Variants in ARMC9 observed in about 807,000 individuals in gnomAD.
The protein encoded by ARMC9 is lisH domain-containing protein ARMC9.
In ARMC9, 94 loss-of-function variants were observed where a neutral mutation model predicts 107.0. The ratio of observed to expected loss-of-function variants is 0.88; its 90% confidence interval spans 0.74 to 1.04. The LOEUF (loss-of-function observed/expected upper bound fraction) is 1.04, where lower values mean the gene tolerates loss of function less well. ARMC9 is among the 50% of genes least tolerant of loss of function. The pLI is 0.00. For synonymous variants in ARMC9, 380 were observed against 396.9 expected, an observed-to-expected ratio of 0.96 and a Z score of 0.51; for missense variants, 942 against 1,030.1, an observed-to-expected ratio of 0.91 and a Z score of 1.17.
At chr2:231,291,270 G>T (rs1281859879) in intron 17 of ARMC9, 83 bp from the exon 18 acceptor site, 12 of 1,078,346 alleles carry the variant, frequency 1.1e-5, no homozygotes, top group Non-Finnish European at 1.6e-5. Context: ...ATTATTTTTT[G>T]GATTAGATGA....
Position 231,374,153 on chromosome 2 carries a change from A to T in ARMC9, c.*2618A>T, listed in dbSNP as rs1049985619. On this transcript the variant is annotated 3_prime_UTR_variant, in exon 25 of 25. Coordinates refer to ENST00000611582, the MANE Select transcript of ARMC9 (RefSeq NM_001352754.2). ...GTATGACCCCAGTCTAAGGGGAAAG[A>T]ATCTAAAACACAAGTAAACCTGTTT... The T allele has an allele frequency of 2.6e-5, 4 of 152,180 alleles. No individual in the cohort carries two copies. The highest frequency in any genetic ancestry group is 5.9e-5 in the Non-Finnish European group (4 of 68,030). 9.4% of individuals were successfully genotyped at this position (152,180 alleles called of 1,614,324 possible).
chr2:231,298,894 A>G (rs2041547002), intron 19 of ARMC9, among the ~76,000 whole-genome samples: 1 of 152,190 alleles, frequency 6.6e-6, no homozygotes, highest in Non-Finnish European at 1.5e-5. Context: ...AGATCCTGCC[A>G]GTGCACTCCA....
At chr2:231,289,130 A>C (rs2040814006) in intron 17 of ARMC9, among the ~76,000 whole-genome samples, 1 of 152,200 alleles carries the variant, frequency 6.6e-6, no homozygotes, top group Non-Finnish European at 1.5e-5. Flanking sequence ...TTCTTTCTAT[A>C]ATTTAGATCA....
intron 10 of ARMC9, among the ~76,000 whole-genome samples, chr2:231,257,921 G>A (rs990470349): frequency 5.3e-5 from 8 of 152,180 alleles, no homozygotes; most frequent in South Asian, 2.1e-4. Context: ...GAAGACGCTT[G>A]TTTTAGCGAC....
At chr2:231,247,538 G>C (rs1330911963) in intron 9 of ARMC9, among the ~76,000 whole-genome samples, 4 of 152,178 alleles carry the variant, frequency 2.6e-5, no homozygotes, top group Non-Finnish European at 4.4e-5. Context: ...GCAATGCCCT[G>C]TGTATTGAGG....
chr2:231,222,731 T>A lies in ARMC9; in HGVS notation c.508T>A (p.Ser170Thr). Residue 170 changes from serine (S) to threonine (T), a missense_variant, in exon 6 of 25, where the codon TCC becomes ACC. Ser to Thr is a moderately conservative substitution (Grantham distance 58, BLOSUM62 1). Coordinates refer to ENST00000611582, the MANE Select transcript of ARMC9 (RefSeq NM_001352754.2). The stretch of plus-strand genomic sequence containing the variant: ...TTTTGTTCCCTTTTTTCTTTAGGAT[T>A]CCTGGACTCCAGAGTTAAAGTTGAA... ...HPSFKELFQD[S>T]WTPELKLKLI... 7 of 1,525,096 alleles carry A rather than the reference T, an allele frequency of 4.6e-6. No individual in the cohort carries two copies. The highest frequency in any genetic ancestry group is 6.3e-6 in the Non-Finnish European group (7 of 1,105,306). 94.5% of individuals were successfully genotyped at this position (1,525,096 alleles called of 1,614,324 possible). A position where few individuals can be genotyped will look rare whatever the true frequency, so the allele number is the denominator to read the frequency against.
chr2:231,249,846 G>A (rs1000485184), intron 9 of ARMC9, among the ~76,000 whole-genome samples: 4 of 124,986 alleles, frequency 3.2e-5, no homozygotes, highest in African/African-American at 6.0e-5. Flanking sequence ...CCGCCCACCC[G>A]TGCACACCTC....
Position 231,360,934 on chromosome 2 carries a change from TG to T in ARMC9, c.2261+54del, listed in dbSNP as rs1425927758. On this transcript the variant is annotated intron_variant, in intron 23 of 24. Coordinates refer to ENST00000611582, the MANE Select transcript of ARMC9 (RefSeq NM_001352754.2). This position sits in a 1 kb window ranked among gnomAD's most constrained non-coding sequence, Gnocchi z 4.7. Reference sequence around the variant, plus strand: ...AACCTGACTCTCGGAGCTCTGGGAGTGGGCGCCCCACGCCGGATGCAGAGCA... The same window carrying T: ...AACCTGACTCTCGGAGCTCTGGGAGTGGCGCCCCACGCCGGATGCAGAGCA... 36 of 1,467,328 alleles carry T rather than the reference TG, an allele frequency of 2.5e-5. No homozygotes were observed. The highest frequency in any genetic ancestry group is 3.2e-5 in the Non-Finnish European group (36 of 1,115,602). 90.9% of individuals were successfully genotyped at this position (1,467,328 alleles called of 1,614,324 possible). A position where few individuals can be genotyped will look rare whatever the true frequency, so the allele number is the denominator to read the frequency against.
intron 19 of ARMC9, among the ~76,000 whole-genome samples, chr2:231,321,257 G>A (rs1015256982): frequency 1.3e-5 from 2 of 152,212 alleles, no homozygotes; most frequent in African/African-American, 4.8e-5. Flanking sequence ...TGCTGGAGTG[G>A]AGGTTCCTCA....
At chr2:231,219,533 G>A (rs771188454) in intron 5 of ARMC9, among the ~76,000 whole-genome samples, 18 of 152,104 alleles carry the variant, frequency 1.2e-4, no homozygotes, top group Non-Finnish European at 2.1e-4. Context: ...TCTAATTGCC[G>A]TTCCTTTGAA....
intron 16 of ARMC9, among the ~76,000 whole-genome samples, chr2:231,280,802 G>A (rs919758339): frequency 2.6e-5 from 4 of 152,120 alleles, no homozygotes; most frequent in Non-Finnish European, 4.4e-5. Flanking sequence ...CAATCCAATC[G>A]AAAAGAAGGA....
intron 14 of ARMC9, among the ~76,000 whole-genome samples, chr2:231,275,940 C>G (rs1455088363): frequency 2.0e-5 from 3 of 151,788 alleles, no homozygotes; most frequent in Admixed American, 2.0e-4. Context: ...GCAATAAGAG[C>G]AAAACTCCGT....
Position 231,364,571 on chromosome 2 carries a change from C to T in ARMC9, c.2261+3688C>T, listed in dbSNP as rs1045215648. The stretch of plus-strand genomic sequence containing the variant: ...CAGCACTTTGGGAGGCCGAGGCGGG[C>T]GGATCACCTGAGGTCCAGGAGTTTG... On this transcript the variant is annotated intron_variant, in intron 23 of 24. Transcript: ENST00000611582. Among the ~76,000 whole-genome samples, 4 of 152,048 alleles carry T rather than the reference C, an allele frequency of 2.6e-5. No homozygotes were observed. The South Asian group carries it at 6.2e-4, about 24-fold the overall frequency.
intron 17 of ARMC9, among the ~76,000 whole-genome samples, chr2:231,289,412 A>C (rs1229050382): frequency 6.6e-6 from 1 of 152,234 alleles, no homozygotes; most frequent in Non-Finnish European, 1.5e-5. Context: ...GGTTGCAGTG[A>C]TCAGAGATCG....
At chr2:231,208,058 C>A in intron 2 of ARMC9, 69 bp from the exon 3 acceptor site, 2 of 741,472 alleles carry the variant, frequency 2.7e-6, no homozygotes, top group Non-Finnish European at 2.2e-6. Flanking sequence ...CTATTCAGAT[C>A]CTTTGGCTGT....
intron 23 of ARMC9, among the ~76,000 whole-genome samples, chr2:231,367,489 C>T (rs534889586): frequency 3.8e-3 from 579 of 152,312 alleles, no homozygotes; most frequent in Admixed American, 6.9e-3. Context: ...CTGGTGCTGG[C>T]CGCCCTGTCC....
At chr2:231,337,046 G>A (rs2044140397) in intron 20 of ARMC9, among the ~76,000 whole-genome samples, 1 of 152,114 alleles carries the variant, frequency 6.6e-6, no homozygotes, top group East Asian at 1.9e-4. Context: ...GAGAGCTCCT[G>A]CCCCTCTCTG....
rs1193824587 is a variant in ARMC9, at chr2:231,296,114, A to G, written c.1718-84A>G. ...TAACCTCATTCTCATTAAGGTGTTT[A>G]TGTCTCTGCAGAGGCTGACAGATTC... On this transcript the variant is annotated intron_variant, in intron 18 of 24. Coordinates refer to ENST00000611582, the MANE Select transcript of ARMC9 (RefSeq NM_001352754.2). 3 of 992,302 alleles carry G rather than the reference A, an allele frequency of 3.0e-6. 1 individual carries two copies. The highest frequency in any genetic ancestry group is 1.5e-6 in the Non-Finnish European group (1 of 651,486). 61.5% of individuals were successfully genotyped at this position (992,302 alleles called of 1,614,324 possible).
intron 5 of ARMC9, among the ~76,000 whole-genome samples, chr2:231,220,906 T>A (rs1395798983): frequency 6.6e-6 from 1 of 152,214 alleles, no homozygotes; most frequent in East Asian, 1.9e-4. Context: ...TAACTGGAAG[T>A]CTGTATGTCC....
Sources: allele counts gnomAD v4.1 joint callset (sites outside exome capture counted in the v4.1 genomes callset), GRCh38; gene constraint gnomAD v4.1.1; non-coding constraint Gnocchi (gnomAD v3.1); transcripts MANE v1.5; gene names NCBI Gene and HGNC (gene_info 2026-07-23, HGNC 2026-07-21).